Variants in CHEK1 observed in about 807,000 individuals in gnomAD.
CHEK1 encodes checkpoint kinase 1.
CHEK1 carries 32 observed loss-of-function variants against 60.2 expected under a neutral mutation model. The observed-to-expected ratio is 0.53, with a 90% CI of 0.40 to 0.71. The LOEUF (loss-of-function observed/expected upper bound fraction) is 0.71. Ranked by LOEUF, CHEK1 falls within the 30% of genes least tolerant of loss-of-function variation. The pLI is 0.00. For synonymous variants in CHEK1, 179 were observed against 187.2 expected, an observed-to-expected ratio of 0.96 and a Z score of 0.36; for missense variants, 399 against 564.6, an observed-to-expected ratio of 0.71 and a Z score of 2.97.
chr11:125,669,592 C>T (rs564345471), intron 13 of CHEK1, among the ~76,000 whole-genome samples: 2 of 139,708 alleles, frequency 1.4e-5, no homozygotes, highest in African/African-American at 2.7e-5. Flanking sequence ...GGTGCGATCT[C>T]GGCTCACTGC....
chr11:125,680,737 G>A (rs1212375399), downstream of CHEK1: 1 of 1,613,638 alleles, frequency 6.2e-7, no homozygotes. Flanking sequence ...ACCTCTGGCA[G>A]ATCCAAGCAG....
intron 6 of CHEK1, 87 bp from the exon 7 acceptor site, chr11:125,635,342 A>T (rs1941027525): frequency 1.2e-6 from 1 of 847,862 alleles, no homozygotes; most frequent in Non-Finnish European, 1.8e-6. Flanking sequence ...ATTCAAAGGA[A>T]ACTTTTCATG....
At chr11:125,626,870 C>T in intron 2 of CHEK1, 37 bp downstream of exon 2, 2 of 1,599,954 alleles carry the variant, frequency 1.3e-6, no homozygotes, top group Non-Finnish European at 1.7e-6. Context: ...TTTCTGAGTG[C>T]ATATTCATTG....
chr11:125,667,266 C>G (rs1271614130), intron 13 of CHEK1, among the ~76,000 whole-genome samples: 1 of 152,102 alleles, frequency 6.6e-6, no homozygotes, highest in Non-Finnish European at 1.5e-5. Context: ...ATTTGGTTTT[C>G]TCTTCTCGCA....
At chr11:125,628,782 T>TA (rs1257112178) in intron 3 of CHEK1, among the ~76,000 whole-genome samples, 1 of 152,146 alleles carries the variant, frequency 6.6e-6, no homozygotes, top group African/African-American at 2.4e-5. Context: ...ACCGTATCTC[T>TA]AAAAAAAGTT....
chr11:125,640,275 C>T (rs1941235214), intron 8 of CHEK1, among the ~76,000 whole-genome samples: 1 of 152,186 alleles, frequency 6.6e-6, no homozygotes, highest in South Asian at 2.1e-4. Context: ...GGCGCGGTGG[C>T]TCACGCCTGT....
At chr11:125,627,085 G>T (rs917540786) in intron 2 of CHEK1, among the ~76,000 whole-genome samples, 2 of 152,162 alleles carry the variant, frequency 1.3e-5, no homozygotes, top group African/African-American at 4.8e-5. Flanking sequence ...TAAGCATTGC[G>T]GTTAATGAGC....
chr11:125,679,904 CTACTT>C (rs1195290851), downstream of CHEK1, among the ~76,000 whole-genome samples: 5 of 152,172 alleles, frequency 3.3e-5, no homozygotes, highest in African/African-American at 1.2e-4. Flanking sequence ...TAAATACTAT[CTACTT>C]GACTGGTTTT....
Position 125,644,577 on chromosome 11 carries a change from T to C in CHEK1, c.1167T>C (p.Ser389=), listed in dbSNP as rs1268812009. ...RFFTKLDADK[S]YQCLKETCEK... ...TTACCAAATTGGATGCAGACAAATCTTATCAATGCCTGAAAGAGACTTGTG... is the reference window on the plus strand; with the variant it reads ...TTACCAAATTGGATGCAGACAAATCCTATCAATGCCTGAAAGAGACTTGTG... Residue 389 remains serine (S), a synonymous_variant, in exon 11 of 13, where the codon TCT becomes TCC. Coordinates refer to ENST00000438015, the MANE Select transcript of CHEK1 (RefSeq NM_001114122.3). The C allele has an allele frequency of 7.4e-6, 12 of 1,614,036 alleles. No individual in the cohort carries two copies. The highest frequency in any genetic ancestry group is 1.0e-5 in the Non-Finnish European group (12 of 1,180,042).
At chr11:125,647,484 C>A (rs1941546581) in intron 11 of CHEK1, among the ~76,000 whole-genome samples, 1 of 150,974 alleles carries the variant, frequency 6.6e-6, no homozygotes. Context: ...CAAGTTTGTT[C>A]TTTTTTTCAA....
At chr11:125,645,251 CT>C (rs1297229231) in intron 11 of CHEK1, among the ~76,000 whole-genome samples, 1 of 152,034 alleles carries the variant, frequency 6.6e-6, no homozygotes, top group Non-Finnish European at 1.5e-5. Flanking sequence ...TATACTTAAA[CT>C]GTAGACAATA....
chr11:125,672,049 T>C (rs1942217632), intron 13 of CHEK1: 1 of 152,326 alleles, frequency 6.6e-6, no homozygotes, highest in Non-Finnish European at 1.5e-5. Context: ...CTAGAAACTC[T>C]CAAGAGCCAA....
At chr11:125,660,849 C>A (rs1941999629), downstream of CHEK1, among the ~76,000 whole-genome samples, 1 of 151,928 alleles carries the variant, frequency 6.6e-6, no homozygotes, top group Non-Finnish European at 1.5e-5. Context: ...GATCTTGGCT[C>A]ACTGCAACCT....
At chr11:125,678,682 A>G (rs1261854827), downstream of CHEK1, among the ~76,000 whole-genome samples, 6 of 151,910 alleles carry the variant, frequency 3.9e-5, no homozygotes, top group Non-Finnish European at 1.5e-5. Flanking sequence ...TTCGCCACCA[A>G]CCCTCCCATT....
intron 13 of CHEK1, among the ~76,000 whole-genome samples, chr11:125,668,028 C>G (rs1437319662): frequency 6.6e-6 from 1 of 152,174 alleles, no homozygotes; most frequent in Non-Finnish European, 1.5e-5. Context: ...TATTTTTCCT[C>G]TAATTAATTC....
At chr11:125,669,132 A>G (rs952630186) in intron 13 of CHEK1, among the ~76,000 whole-genome samples, 7 of 151,974 alleles carry the variant, frequency 4.6e-5, no homozygotes, top group East Asian at 1.9e-4. Context: ...CATCTTTACT[A>G]TATCTGGAAC....
chr11:125,643,969 T>G lies in CHEK1; in HGVS notation c.923+69T>G, dbSNP rs1406351962. ...CCATGAAGAATAATACATGTATGTGTTTTTTCATAATAATCGACATTAACA... is the reference window on the plus strand; with the variant it reads ...CCATGAAGAATAATACATGTATGTGGTTTTTCATAATAATCGACATTAACA... On this transcript the variant is annotated intron_variant, in intron 9 of 12. Transcript: ENST00000438015. The G allele has an allele frequency of 2.8e-5, 43 of 1,534,312 alleles. No homozygotes were observed. In the South Asian group the frequency reaches 4.9e-4, roughly 17 times the overall value.
intron 12 of CHEK1, 43 bp from the exon 13 acceptor site, chr11:125,655,178 TTTTG>T: frequency 6.9e-7 from 1 of 1,445,556 alleles, no homozygotes; most frequent in Non-Finnish European, 9.6e-7. Context: ...AGAATTTTGT[TTTTG>T]TTTTTGTTTT....
chr11:125,630,021 G>A (rs1940803986), intron 5 of CHEK1, among the ~76,000 whole-genome samples: 1 of 152,092 alleles, frequency 6.6e-6, no homozygotes, highest in African/African-American at 2.4e-5. Flanking sequence ...ACCATGCCTG[G>A]CCAAGAATAG....
Sources: gnomAD v4.1 joint callset for allele counts (sites outside exome capture counted in the v4.1 genomes callset) on GRCh38, gnomAD v4.1.1 for gene constraint, MANE v1.5 for transcripts, NCBI Gene and HGNC (gene_info 2026-07-23, HGNC 2026-07-21) for gene names.